Variants in DNAH6 observed in about 807,000 individuals in gnomAD.
The protein encoded by DNAH6 is dynein axonemal heavy chain 6.
DNAH6 carries 340 observed loss-of-function variants against 491.4 expected under a neutral mutation model. The observed-to-expected ratio is 0.69, with a 90% CI of 0.63 to 0.76. DNAH6 has a LOEUF of 0.76. Ranked by LOEUF, DNAH6 falls within the 30% of genes least tolerant of loss-of-function variation. The probability of loss-of-function intolerance (pLI) is 0.00; values close to 1 mark genes in which losing one functional copy is unlikely to be tolerated. For missense variants in DNAH6, 4,443 were observed against 4,972.2 expected, an observed-to-expected ratio of 0.89 and a Z score of 3.20; for synonymous variants, 1,603 against 1,686.1, an observed-to-expected ratio of 0.95 and a Z score of 1.21.
the DNAH6 span, among the ~76,000 whole-genome samples, chr2:84,485,659 G>A: frequency 6.6e-6 from 1 of 151,898 alleles, no homozygotes; most frequent in Non-Finnish European, 1.5e-5. Context: ...CTCCAATATT[G>A]GAGATTTACA....
chr2:84,803,425 G>A (rs1679109435), intron 70 of DNAH6, among the ~76,000 whole-genome samples: 1 of 152,132 alleles, frequency 6.6e-6, no homozygotes, highest in African/African-American at 2.4e-5. Flanking sequence ...TGTAACAAAT[G>A]TGCACGTGTA....
rs868170423 is a variant in DNAH6 at position 84,594,480 on chromosome 2, C to G, written c.2724+395C>G. On this transcript the variant is annotated intron_variant, in intron 17 of 76. Coordinates refer to ENST00000389394, the MANE Select transcript of DNAH6 (RefSeq NM_001370.2). ...TTAAAAAAGGAAGCCATTTTGTTCA[C>G]TGTAATAGGATAGAGTGATAAAATC... Among the ~76,000 whole-genome samples, 5 of 152,272 alleles carry G rather than the reference C, an allele frequency of 3.3e-5. No individual in the cohort carries two copies. The Middle Eastern group carries it at 0.01, about 311-fold the overall frequency.
At chr2:84,694,774 A>G (rs1695218178) in intron 46 of DNAH6, among the ~76,000 whole-genome samples, 1 of 152,366 alleles carries the variant, frequency 6.6e-6, no homozygotes, top group Non-Finnish European at 1.5e-5. Flanking sequence ...ATAAAAGTGC[A>G]TATAAGAAAA....
chr2:84,673,339 C>T lies in DNAH6; in HGVS notation c.6612+855C>T, dbSNP rs904094022. ...GCTGAAGGAAATGTTATGGAAAGAT[C>T]CCCTTGGCTGCAGGGGAGGGATGAG... On this transcript the variant is annotated intron_variant, in intron 40 of 76. Coordinates refer to ENST00000389394, the MANE Select transcript of DNAH6 (RefSeq NM_001370.2). Among the ~76,000 whole-genome samples, 5 of 152,224 alleles carry T rather than the reference C, an allele frequency of 3.3e-5. No homozygotes were observed. The South Asian group carries it at 8.3e-4, about 25-fold the overall frequency.
chr2:84,548,425 T>C lies in DNAH6; in HGVS notation c.1316+8T>C. 6.2e-7 allele frequency: 1 copy of C among 1,613,002 alleles called. No homozygotes were observed. The highest frequency in any genetic ancestry group is 8.5e-7 in the Non-Finnish European group (1 of 1,179,758). On this transcript the variant is annotated splice_region_variant and intron_variant, in intron 8 of 76. Transcript: ENST00000389394. Reference sequence around the variant, plus strand: ...TTGCATGAGGCTGACGTGGTAAGATTATTCTCATTTTCAAGAAAAATTGTA... The same window carrying C: ...TTGCATGAGGCTGACGTGGTAAGATCATTCTCATTTTCAAGAAAAATTGTA...
At chr2:84,760,081 A>G (rs1428640524) in intron 63 of DNAH6, among the ~76,000 whole-genome samples, 1 of 152,228 alleles carries the variant, frequency 6.6e-6, no homozygotes, top group Admixed American at 6.5e-5. Flanking sequence ...CACCTCTTTC[A>G]GTAAATGGTG....
At chr2:84,656,001 C>G (rs902502774) in intron 35 of DNAH6, among the ~76,000 whole-genome samples, 1 of 152,152 alleles carries the variant, frequency 6.6e-6, no homozygotes, top group Non-Finnish European at 1.5e-5. Context: ...GATCTTTTTA[C>G]TATCTCTGTA....
At chr2:84,746,855 A>C (rs1182238152) in intron 63 of DNAH6, among the ~76,000 whole-genome samples, 1 of 152,318 alleles carries the variant, frequency 6.6e-6, no homozygotes, top group East Asian at 1.9e-4. Flanking sequence ...ATATGGTGAA[A>C]GGCAAAGGGG....
At chr2:84,493,741 A>T in the DNAH6 span, among the ~76,000 whole-genome samples, 1 of 152,246 alleles carries the variant, frequency 6.6e-6, no homozygotes, top group Non-Finnish European at 1.5e-5. Context: ...CAAGTGACGC[A>T]GATGGTCCAA....
intron 16 of DNAH6, among the ~76,000 whole-genome samples, chr2:84,589,927 G>A (rs545360491): frequency 2.6e-5 from 4 of 152,066 alleles, no homozygotes; most frequent in East Asian, 1.9e-4. Flanking sequence ...CAAAAATCTC[G>A]GAGGAACATG....
At chr2:84,764,573 C>A (rs1674899369) in intron 64 of DNAH6, among the ~76,000 whole-genome samples, 1 of 152,086 alleles carries the variant, frequency 6.6e-6, no homozygotes, top group African/African-American at 2.4e-5. Context: ...TTCAATAGCT[C>A]AACAATTCAC....
chr2:84,744,428 A>G (rs1180341993), intron 62 of DNAH6, among the ~76,000 whole-genome samples: 1 of 152,268 alleles, frequency 6.6e-6, no homozygotes, highest in Non-Finnish European at 1.5e-5. Context: ...TACAAGATAC[A>G]AATCCATTTC....
chr2:84,505,708 C>G, the DNAH6 span, among the ~76,000 whole-genome samples: 1 of 152,142 alleles, frequency 6.6e-6, no homozygotes, highest in East Asian at 1.9e-4. Flanking sequence ...TCCCTCCCCA[C>G]TCCCTCCACC....
At chr2:84,605,629 TC>T in intron 20 of DNAH6, 37 bp downstream of exon 20, 1 of 1,338,780 alleles carries the variant, frequency 7.5e-7, no homozygotes, top group Non-Finnish European at 1.0e-6. Flanking sequence ...ATGGTAAAGA[TC>T]CCAGCCACAC....
At chr2:84,578,334 A>G (rs1682678662) in intron 13 of DNAH6, among the ~76,000 whole-genome samples, 1 of 152,186 alleles carries the variant, frequency 6.6e-6, no homozygotes. Flanking sequence ...TTCAACAAGC[A>G]CTTTTTAGCT....
chr2:84,704,853 C>A (rs1696279395), intron 51 of DNAH6, among the ~76,000 whole-genome samples: 1 of 152,072 alleles, frequency 6.6e-6, no homozygotes, highest in South Asian at 2.1e-4. Flanking sequence ...TTGTAATGAA[C>A]CTTTCTGTGT....
At position 84,517,814 on chromosome 2, in the gene DNAH6, T is replaced by C. The variant is rs1675741421; in HGVS notation, c.-8-5T>C. ...ATTTTCTTTTTCCTCACCTATTCTT[T>C]TCAGGAGTAAGGATGACTTTTCGGG... On this transcript the variant is annotated splice_region_variant and splice_polypyrimidine_tract_variant and intron_variant, in intron 1 of 76. Transcript: ENST00000389394. The C allele has an allele frequency of 3.9e-6, 6 of 1,546,184 alleles. No homozygotes were observed. Among genetic ancestry groups the C allele is most frequent in the Admixed American group, 2.0e-5 (1 of 50,436 alleles).
At chr2:84,637,519 C>A in intron 31 of DNAH6, 142 bp downstream of exon 31, 1 of 993,750 alleles carries the variant, frequency 1.0e-6, no homozygotes, top group African/African-American at 1.7e-5. Flanking sequence ...ATTGTTATCA[C>A]ATGGAATGTT....
At chr2:84,489,535 C>T in the DNAH6 span, among the ~76,000 whole-genome samples, 1 of 152,176 alleles carries the variant, frequency 6.6e-6, no homozygotes, top group Non-Finnish European at 1.5e-5. Flanking sequence ...GATATCTTCA[C>T]ATACTCACAG....
Sources: gnomAD v4.1 joint callset for allele counts (sites outside exome capture counted in the v4.1 genomes callset) on GRCh38, gnomAD v4.1.1 for gene constraint, MANE v1.5 for transcripts, NCBI Gene and HGNC (gene_info 2026-07-23, HGNC 2026-07-21) for gene names.